Variants in ARHGEF37 observed in about 807,000 individuals in gnomAD.
The protein encoded by ARHGEF37 is Rho guanine nucleotide exchange factor 37.
Under a neutral mutation model 71.1 loss-of-function variants are expected in ARHGEF37, and 55 were observed. That is an observed-to-expected ratio of 0.77 (90% CI 0.62 to 0.97). The LOEUF is 0.97. Ranked by LOEUF, ARHGEF37 falls within the 50% of genes least tolerant of loss-of-function variation. The probability of loss-of-function intolerance (pLI) is 0.00; values close to 1 mark genes in which losing one functional copy is unlikely to be tolerated. For missense variants in ARHGEF37, 765 were observed against 836.8 expected, an observed-to-expected ratio of 0.91 and a Z score of 1.06; for synonymous variants, 327 against 350.6, an observed-to-expected ratio of 0.93 and a Z score of 0.75.
At position 149,601,122 on chromosome 5, in the gene ARHGEF37, T is replaced by A. The variant is rs769189366; in HGVS notation, c.201T>A (p.Asp67Glu). ...GTTCCTTCCAGTTGCCGCAGGGAGA[T>A]CTGGATGTCCTGTTCTCAAACATTG... is the stretch of plus-strand genomic sequence containing the variant. Reference protein sequence around the residue: ...RSRLQQLPQGDLDVLFSNIDD... With the variant: ...RSRLQQLPQGELDVLFSNIDD... The change falls in exon 3 of 13, where the codon GAT becomes GAA. Residue 67 changes from aspartate (D) to glutamate (E), a missense_variant. By Grantham distance (45) the Asp-to-Glu change is conservative. Coordinates refer to ENST00000333677, the MANE Select transcript of ARHGEF37 (RefSeq NM_001001669.3). 10 of 1,611,420 alleles carry A rather than the reference T, an allele frequency of 6.2e-6. No homozygotes were observed. In the Admixed American group the frequency reaches 1.7e-4, roughly 27 times the overall value.
rs780656297 is a variant in ARHGEF37 at position 149,632,092 on chromosome 5, G to A, written c.1929G>A (p.Trp643Ter). The A allele has an allele frequency of 1.2e-5, 19 of 1,614,148 alleles. No individual in the cohort carries two copies. In the Admixed American group the frequency reaches 3.0e-4, roughly 25 times the overall value. The change falls in exon 13 of 13, where the codon TGG (tryptophan) becomes TGA (stop). Residue 643 changes from tryptophan to a stop codon, truncating the protein, a stop_gained. Transcript: ENST00000333677. LOFTEE classifies it high-confidence loss of function. Reference protein sequence around the residue: ...EAQDKKGNPEWSLVEVNGQRG... With the variant: ...EAQDKKGNPE ...AGGACAAGAAGGGGAACCCTGAGTGGAGCCTGGTGGAAGTGAATGGACAGA... is the reference window on the plus strand; with the variant it reads ...AGGACAAGAAGGGGAACCCTGAGTGAAGCCTGGTGGAAGTGAATGGACAGA...
intron 1 of ARHGEF37, among the ~76,000 whole-genome samples, chr5:149,564,203 T>C: frequency 6.6e-6 from 1 of 152,098 alleles, no homozygotes. Context: ...GCAATCCATC[T>C]GCCTCAGCCT....
intron 1 of ARHGEF37, among the ~76,000 whole-genome samples, chr5:149,575,445 A>C (rs1016807825): frequency 2.6e-5 from 4 of 152,190 alleles, no homozygotes; most frequent in African/African-American, 9.7e-5. Flanking sequence ...CTCTATGCTC[A>C]GGGGACTGAC....
At chr5:149,559,835 TC>T (rs969667715) in intron 1 of ARHGEF37, among the ~76,000 whole-genome samples, 2 of 152,118 alleles carry the variant, frequency 1.3e-5, no homozygotes, top group African/African-American at 4.8e-5. Context: ...ATTCTCTCTC[TC>T]CCCCCAATTT....
At chr5:149,618,865 G>T (rs1255123464) in intron 6 of ARHGEF37, 73 bp from the exon 7 acceptor site, 1 of 1,238,988 alleles carries the variant, frequency 8.1e-7, no homozygotes, top group African/African-American at 1.5e-5. Context: ...TCCCAGTGAG[G>T]ACCTGGAACA....
chr5:149,565,829 A>ATTTTTTT lies in ARHGEF37; in HGVS notation c.-12+13735_-12+13741dup, dbSNP rs201683478. Among the ~76,000 whole-genome samples the ATTTTTTT allele has an allele frequency of 3.0e-3, 250 of 84,492 alleles. 22 individuals carry two copies. Among genetic ancestry groups the ATTTTTTT allele is most frequent in the East Asian group, 5.4e-3 (13 of 2,414 alleles). 55.4% of individuals were successfully genotyped at this position (84,492 alleles called of 152,430 possible). ...TAGCTTTGTAATGTCAGAAACTCTA[A>ATTTTTTT]TTTTTTTTTTTTTTTTTTTTTTTTT... is the stretch of plus-strand genomic sequence containing the variant. On this transcript the variant is annotated intron_variant, in intron 1 of 2. Coordinates refer to the ARHGEF37 transcript ENST00000505810.
chr5:149,580,991 A>T (rs1763093811), upstream of ARHGEF37, among the ~76,000 whole-genome samples: 1 of 152,198 alleles, frequency 6.6e-6, no homozygotes, highest in Non-Finnish European at 1.5e-5. Context: ...TGCTCCCAGT[A>T]GAGTGAAAGA....
Position 149,622,019 on chromosome 5 carries a change from T to C in ARHGEF37, c.1292T>C (p.Leu431Pro). The C allele has an allele frequency of 6.2e-7, 1 of 1,613,908 alleles. No individual in the cohort carries two copies. The highest frequency in any genetic ancestry group is 8.5e-7 in the Non-Finnish European group (1 of 1,179,874). The change falls in exon 9 of 13, where the codon CTT becomes CCT. Residue 431 changes from leucine to proline, a missense_variant. By Grantham distance (98) the Leu-to-Pro change is moderately conservative. Transcript: ENST00000333677. ...MCTFVTLQRDLAKQVLQRAEG... is the reference protein window; with the variant it reads ...MCTFVTLQRDPAKQVLQRAEG... ...ACATTCGTGACCCTCCAGAGGGACCTTGCAAAGCAAGTGCTGCAGAGGGCA... is the reference window on the plus strand; with the variant it reads ...ACATTCGTGACCCTCCAGAGGGACCCTGCAAAGCAAGTGCTGCAGAGGGCA...
intron 1 of ARHGEF37, among the ~76,000 whole-genome samples, chr5:149,560,267 C>T (rs532691344): frequency 6.6e-6 from 1 of 152,236 alleles, no homozygotes; most frequent in South Asian, 2.1e-4. Context: ...AAGCATGCGC[C>T]ACCACGCCCG....
At chr5:149,596,746 G>GC (rs1763559465) in intron 1 of ARHGEF37, among the ~76,000 whole-genome samples, 1 of 152,162 alleles carries the variant, frequency 6.6e-6, no homozygotes, top group African/African-American at 2.4e-5. Flanking sequence ...ACAGGAGGGG[G>GC]CATGGCAAGT....
At position 149,632,366 on chromosome 5, in the gene ARHGEF37, T is replaced by C. The variant is rs2113405874; in HGVS notation, c.*175T>C. 1 of 679,684 alleles carries C rather than the reference T, an allele frequency of 1.5e-6. No homozygotes were observed. The highest frequency in any genetic ancestry group is 2.4e-6 in the Non-Finnish European group (1 of 408,492). The allele number at this position is 679,684 out of a possible 1,614,324, so 42.1% of individuals were successfully genotyped here. On this transcript the variant is annotated 3_prime_UTR_variant, in exon 13 of 13. Transcript: ENST00000333677. Reference sequence around the variant, plus strand: ...TGGGCGGGCCTCGCAGAGTGCTTGGTGTGGTGGGGGCACAGGAGGCTCCAG... The same window carrying C: ...TGGGCGGGCCTCGCAGAGTGCTTGGCGTGGTGGGGGCACAGGAGGCTCCAG...
intron 1 of ARHGEF37, among the ~76,000 whole-genome samples, chr5:149,566,530 A>AAACAAC (rs373411073): frequency 1.5e-5 from 2 of 135,598 alleles, no homozygotes; most frequent in African/African-American, 5.4e-5. Context: ...AAAACCAACC[A>AAACAAC]AACAACAACA....
Position 149,597,808 on chromosome 5 carries a change from AG to A in ARHGEF37, c.42del (p.Ser15ValfsTer67). Reference protein sequence around the residue: ...HGADEPSSRSGSPDREGRASE... With the variant: ...HGADEPSSRSXSPDREGRASE... ...GAGCCGACGAGCCATCCTCCAGGTC[AG>A]GGAGTCCGGACAGGGAAGGTAGGGC... is the stretch of plus-strand genomic sequence containing the variant. On this transcript the variant is annotated frameshift_variant, in exon 2 of 13. Coordinates refer to ENST00000333677, the MANE Select transcript of ARHGEF37 (RefSeq NM_001001669.3). LOFTEE classifies it high-confidence loss of function. The A allele has an allele frequency of 6.3e-7, 1 of 1,586,626 alleles. No individual in the cohort carries two copies. The highest frequency in any genetic ancestry group is 8.6e-7 in the Non-Finnish European group (1 of 1,168,248).
Position 149,634,227 on chromosome 5 carries a change from C to T in ARHGEF37, c.*2036C>T, listed in dbSNP as rs1374707788. On this transcript the variant is annotated 3_prime_UTR_variant, in exon 13 of 13. Coordinates refer to ENST00000333677, the MANE Select transcript of ARHGEF37 (RefSeq NM_001001669.3). ...CCAATGTGCAGCCAGGGTTAGGGAC[C>T]TCTACCCTAGACACAAAGTATTGGA... 6.6e-6 allele frequency: 1 copy of T among 152,198 alleles called. No individual in the cohort carries two copies. Among genetic ancestry groups the T allele is most frequent in the Non-Finnish European group, 1.5e-5 (1 of 68,052 alleles). 9.4% of individuals were successfully genotyped at this position (152,198 alleles called of 1,614,324 possible). A position where few individuals can be genotyped will look rare whatever the true frequency, so the allele number is the denominator to read the frequency against.
chr5:149,613,504 G>A (rs966737385), intron 4 of ARHGEF37, among the ~76,000 whole-genome samples: 2 of 151,626 alleles, frequency 1.3e-5, no homozygotes, highest in African/African-American at 2.4e-5. Context: ...GCGCCACCAC[G>A]CCCGGCTAAT....
chr5:149,628,939 A>G lies in ARHGEF37; in HGVS notation c.1791A>G (p.Leu597=), dbSNP rs762647359. The change falls in exon 12 of 13, where the codon CTA becomes CTG. Residue 597 remains leucine, a synonymous_variant. Coordinates refer to ENST00000333677, the MANE Select transcript of ARHGEF37 (RefSeq NM_001001669.3). ...RCLTPEPSPA[L]VPSIPTMNQV... is the part of the protein sequence containing the mutation. ...TAACACCGGAGCCCAGCCCAGCTCTAGTGCCCTCTATTCCCACCATGAACC... is the reference window on the plus strand; with the variant it reads ...TAACACCGGAGCCCAGCCCAGCTCTGGTGCCCTCTATTCCCACCATGAACC... The G allele has an allele frequency of 6.2e-7, 1 of 1,612,830 alleles. No homozygotes were observed. The highest frequency in any genetic ancestry group is 8.5e-7 in the Non-Finnish European group (1 of 1,179,966).
chr5:149,591,642 G>A (rs911398449), intron 1 of ARHGEF37, among the ~76,000 whole-genome samples: 12 of 152,122 alleles, frequency 7.9e-5, no homozygotes, highest in South Asian at 2.1e-4. Flanking sequence ...ATGATGATTC[G>A]ACTTTATGAA....
intron 1 of ARHGEF37, among the ~76,000 whole-genome samples, chr5:149,583,680 C>T (rs995554058): frequency 6.6e-6 from 1 of 152,228 alleles, no homozygotes; most frequent in Non-Finnish European, 1.5e-5. Flanking sequence ...TTTTCATGTG[C>T]TGTAACAGAA....
intron 1 of ARHGEF37, among the ~76,000 whole-genome samples, chr5:149,554,029 G>A (rs748504052): frequency 6.6e-6 from 1 of 152,106 alleles, no homozygotes; most frequent in Admixed American, 6.5e-5. Flanking sequence ...TTAGCCGGGC[G>A]TGGTGGCGCA....
Sources: gnomAD v4.1 joint callset for allele counts (sites outside exome capture counted in the v4.1 genomes callset) on GRCh38, gnomAD v4.1.1 for gene constraint, MANE v1.5 for transcripts, NCBI Gene and HGNC (gene_info 2026-07-23, HGNC 2026-07-21) for gene names.